Variants in MEGF10 observed in about 807,000 individuals in gnomAD.
The protein encoded by MEGF10 is multiple epidermal growth factor-like domains protein 10.
In MEGF10, 86 loss-of-function variants were observed where a neutral mutation model predicts 147.5. That is an observed-to-expected ratio of 0.58 (90% CI 0.49 to 0.70). MEGF10 has a LOEUF of 0.70. Among genes scored for constraint, MEGF10 ranks in the 30% least tolerant of loss-of-function variants. MEGF10 has a pLI of 0.00. For synonymous variants in MEGF10, 478 were observed against 525.5 expected (o/e 0.91, Z 1.24); for missense variants, 1,329 against 1,487.3 (o/e 0.89, Z 1.75).
At chr5:127,425,746 C>A (rs1480350213) in intron 13 of MEGF10, among the ~76,000 whole-genome samples, 6 of 152,042 alleles carry the variant, frequency 3.9e-5, no homozygotes, top group Non-Finnish European at 8.8e-5. Context: ...CCTGTTAGGA[C>A]CTTTTTGAAC....
intron 10 of MEGF10, 124 bp from the exon 11 acceptor site, chr5:127,418,996 A>G (rs919987711): frequency 3.9e-5 from 47 of 1,217,928 alleles, no homozygotes; most frequent in Non-Finnish European, 4.4e-5. Flanking sequence ...AATTTTAAAA[A>G]TACAGTGTGT....
intron 5 of MEGF10, 140 bp from the exon 6 acceptor site, chr5:127,396,392 T>C: frequency 2.1e-6 from 2 of 949,302 alleles, no homozygotes; most frequent in Non-Finnish European, 3.0e-6. Flanking sequence ...TTGTGAAGCA[T>C]TGCCATGGGT....
chr5:127,422,545 T>C, intron 12 of MEGF10, 125 bp from the exon 13 acceptor site: 1 of 673,994 alleles, frequency 1.5e-6, no homozygotes, highest in South Asian at 1.8e-5. Context: ...TAAAGATACA[T>C]CCCTGTAAGA....
chr5:127,340,512 A>T lies in MEGF10; in HGVS notation c.219-18A>T. 1 of 1,600,932 alleles carries T rather than the reference A, an allele frequency of 6.2e-7. No individual in the cohort carries two copies. Among genetic ancestry groups the T allele is most frequent in the Non-Finnish European group, 8.5e-7 (1 of 1,169,996 alleles). On this transcript the variant is annotated intron_variant, in intron 3 of 24. Transcript: ENST00000503335. The stretch of plus-strand genomic sequence containing the variant: ...AGACTTTTATTATGTTTAATAGCTA[A>T]TTTTTCCTTCTCTATAGAGTCAGCT...
At chr5:127,426,385 C>CA (rs1183554521) in intron 13 of MEGF10, among the ~76,000 whole-genome samples, 2 of 151,838 alleles carry the variant, frequency 1.3e-5, no homozygotes, top group African/African-American at 2.4e-5. Flanking sequence ...ATCCTATTTC[C>CA]AAAAAAAGTA....
At chr5:127,294,169 C>T (rs111365411) in intron 1 of MEGF10, among the ~76,000 whole-genome samples, 2 of 152,178 alleles carry the variant, frequency 1.3e-5, no homozygotes, top group African/African-American at 4.8e-5. Context: ...CCAATTATCT[C>T]ATAAACTTAG....
At chr5:127,399,179 G>T (rs866214916) in intron 7 of MEGF10, among the ~76,000 whole-genome samples, 32 of 152,054 alleles carry the variant, frequency 2.1e-4, no homozygotes, top group Middle Eastern at 6.8e-3. Flanking sequence ...TGTTCTTTGG[G>T]AACATTATTC....
At chr5:127,283,744 G>A in the MEGF10 span, among the ~76,000 whole-genome samples, 6 of 152,154 alleles carry the variant, frequency 3.9e-5, no homozygotes, top group African/African-American at 1.4e-4. Context: ...ATTAAAGTTC[G>A]AGAAGCATCA....
chr5:127,358,478 G>C (rs527240202), intron 4 of MEGF10, among the ~76,000 whole-genome samples: 1 of 151,822 alleles, frequency 6.6e-6, no homozygotes, highest in South Asian at 2.1e-4. Context: ...TGGAAAACAT[G>C]CTGTGGGAAA....
the MEGF10 span, among the ~76,000 whole-genome samples, chr5:127,250,130 C>T: frequency 2.0e-5 from 3 of 151,916 alleles, no homozygotes; most frequent in African/African-American, 7.3e-5. Context: ...CAAATAGTAA[C>T]CATGAATAAA....
chr5:127,320,964 T>C (rs1417315199), intron 1 of MEGF10, among the ~76,000 whole-genome samples: 4 of 152,256 alleles, frequency 2.6e-5, no homozygotes, highest in African/African-American at 4.8e-5. Flanking sequence ...CCAATTCACA[T>C]ATTCAGTTTT....
chr5:127,246,897 T>A, the MEGF10 span, among the ~76,000 whole-genome samples: 4 of 102,054 alleles, frequency 3.9e-5, no homozygotes, highest in Non-Finnish European at 5.9e-5. Context: ...TATACAATAA[T>A]ATATACTATA....
intron 19 of MEGF10, among the ~76,000 whole-genome samples, chr5:127,444,091 C>T (rs961033766): frequency 1.3e-5 from 2 of 152,244 alleles, no homozygotes; most frequent in Middle Eastern, 3.4e-3. Flanking sequence ...TGGGAAATTC[C>T]GATTCCAGGG....
chr5:127,396,473 C>G, intron 5 of MEGF10, 59 bp from the exon 6 acceptor site: 1 of 1,479,046 alleles, frequency 6.8e-7, no homozygotes, highest in Non-Finnish European at 9.0e-7. Context: ...CCCCGAGAGG[C>G]GAAGAAATCT....
At chr5:127,287,245 T>G (rs1759056508), upstream of MEGF10, among the ~76,000 whole-genome samples, 1 of 152,028 alleles carries the variant, frequency 6.6e-6, no homozygotes, top group African/African-American at 2.4e-5. Context: ...GGATACTAAA[T>G]TTTAGCATTT....
At chr5:127,415,247 T>A (rs914344838) in intron 9 of MEGF10, among the ~76,000 whole-genome samples, 44 of 152,172 alleles carry the variant, frequency 2.9e-4, no homozygotes, top group African/African-American at 1.0e-3. Flanking sequence ...GATAGTCTGG[T>A]TTAGGCCTGT....
intron 1 of MEGF10, among the ~76,000 whole-genome samples, chr5:127,318,185 A>G (rs1280365623): frequency 6.6e-6 from 1 of 152,164 alleles, no homozygotes. Context: ...ATCAGGAAGC[A>G]GCCCCTCCCC....
the MEGF10 span, among the ~76,000 whole-genome samples, chr5:127,268,558 G>T: frequency 6.6e-6 from 1 of 152,210 alleles, no homozygotes; most frequent in Non-Finnish European, 1.5e-5. Context: ...CCCACCGTTG[G>T]TGAGGCTGGA....
chr5:127,237,422 G>T, the MEGF10 span, among the ~76,000 whole-genome samples: 338 of 152,236 alleles, frequency 2.2e-3, 2 homozygotes, highest in African/African-American at 7.8e-3. Flanking sequence ...AACCCAGGAG[G>T]CAGATGTTAG....
Sources: gnomAD v4.1 joint callset for allele counts (sites outside exome capture counted in the v4.1 genomes callset) on GRCh38, gnomAD v4.1.1 for gene constraint, MANE v1.5 for transcripts, NCBI Gene and HGNC (gene_info 2026-07-23, HGNC 2026-07-21) for gene names.